JUP: variants seen among roughly 807,000 people sequenced by gnomAD.
JUP encodes junction plakoglobin, also known as catenin (cadherin-associated protein), gamma 80kDa.
A neutral mutation model predicts 71.1 loss-of-function variants in JUP; 28 were observed. That is an observed-to-expected ratio of 0.39 (90% CI 0.29 to 0.54). The LOEUF (loss-of-function observed/expected upper bound fraction) is 0.54. Ranked by LOEUF, JUP falls within the 20% of genes least tolerant of loss-of-function variation. JUP has a pLI of 0.62. For missense variants in JUP, 869 were observed against 1,030.1 expected (o/e 0.84, Z 2.14); for synonymous variants, 401 against 438.9 (o/e 0.91, Z 1.08).
intron 1 of JUP, among the ~76,000 whole-genome samples, chr17:41,778,334 G>A (rs1004349568): frequency 3.9e-5 from 6 of 152,194 alleles, no homozygotes; most frequent in Non-Finnish European, 8.8e-5. Flanking sequence ...GGAGGCCAAG[G>A]CAGGTGAATC....
chr17:41,776,941 G>A (rs1317069339), intron 1 of JUP, among the ~76,000 whole-genome samples: 1 of 152,164 alleles, frequency 6.6e-6, no homozygotes, highest in Non-Finnish European at 1.5e-5. Flanking sequence ...GGGAGGCGGA[G>A]GTTGCAGTGA....
rs1399061052 is a variant in JUP, at chr17:41,759,002, T to C, written c.1498-132A>G. ...GGCCAGACACAGACATACTGGAAAA[T>C]ATCCAGAGAAGGAGACCATCCCAGC... On this transcript the variant is annotated intron_variant, in intron 8 of 13. Transcript: ENST00000393931. 9 of 921,280 alleles carry C rather than the reference T, an allele frequency of 9.8e-6. No individual in the cohort carries two copies. In the African/African-American group the frequency reaches 1.3e-4, roughly 14 times the overall value. The allele number at this position is 921,280 out of a possible 1,614,324, so 57.1% of individuals were successfully genotyped here.
chr17:41,757,840 G>T (rs998719491), intron 10 of JUP, 56 bp from the exon 11 acceptor site: 3 of 1,475,794 alleles, frequency 2.0e-6, no homozygotes, highest in Non-Finnish European at 2.8e-6. Context: ...GAGGCAGGCC[G>T]GACAACACAC....
chr17:41,767,593 G>GGGGC lies in JUP; in HGVS notation c.708-14_708-13insGCCC. ...CTCCACAGGGGAGCTGGGGGGGTGG[G>GGGGC]CAGGGGTTAGTACGCTGAGGTCCCA... On this transcript the variant is annotated splice_polypyrimidine_tract_variant and intron_variant, in intron 4 of 13. Coordinates refer to ENST00000393931, the MANE Select transcript of JUP (RefSeq NM_002230.4). 3.2e-6 allele frequency: 4 copies of GGGGC among 1,267,508 alleles called. No homozygotes were observed. The highest frequency in any genetic ancestry group is 1.2e-5 in the South Asian group (1 of 84,224). 78.5% of individuals were successfully genotyped at this position (1,267,508 alleles called of 1,614,324 possible).
At chr17:41,762,170 A>AGTGT (rs1567808401) in intron 8 of JUP, among the ~76,000 whole-genome samples, 14 of 45,326 alleles carry the variant, frequency 3.1e-4, no homozygotes, top group African/African-American at 1.0e-3. Flanking sequence ...AGAGAGAGAG[A>AGTGT]GAGAGAGTGT....
intron 8 of JUP, among the ~76,000 whole-genome samples, chr17:41,762,170 A>AGTGTGT (rs1567808401): frequency 5.5e-4 from 25 of 45,316 alleles, no homozygotes; most frequent in African/African-American, 2.0e-3. Flanking sequence ...AGAGAGAGAG[A>AGTGTGT]GAGAGAGTGT....
At position 41,763,082 on chromosome 17, in the gene JUP, G is replaced by A. The variant is rs1555602097; in HGVS notation, c.1398C>T (p.His466=). 6.2e-7 allele frequency: 1 copy of A among 1,614,050 alleles called. No homozygotes were observed. ...AGTTCTGGGCCATCTCGGCCTCAGG[G>A]TGGCGGCTAGTGAGGTGGCGCAGAG... The part of the protein sequence containing the change: ...VCALRHLTSR[H]PEAEMAQNSV... Residue 466 remains histidine (H), a synonymous_variant, in exon 8 of 14, where the codon CAC becomes CAT. Transcript: ENST00000393931.
Position 41,771,709 on chromosome 17 carries a change from C to T in JUP, c.146G>A (p.Cys49Tyr), listed in dbSNP as rs782199757. Reference sequence around the variant, plus strand: ...TTTCTTGAGCGTGTACTGGCGCCCGCAGGCCTCATCCTCCTCCATGATGCC... The same window carrying T: ...TTTCTTGAGCGTGTACTGGCGCCCGTAGGCCTCATCCTCCTCCATGATGCC... ...SKGIMEEDEA[C>Y]GRQYTLKKTT... The change falls in exon 2 of 14, where the codon TGC becomes TAC. Residue 49 changes from cysteine (C) to tyrosine (Y), a missense_variant. Physicochemically the swap from Cys to Tyr is radical, Grantham distance 194 (BLOSUM62 -2). Coordinates refer to ENST00000393931, the MANE Select transcript of JUP (RefSeq NM_002230.4). The T allele has an allele frequency of 6.2e-7, 1 of 1,614,162 alleles. No homozygotes were observed. Among genetic ancestry groups the T allele is most frequent in the East Asian group, 2.2e-5 (1 of 44,878 alleles).
chr17:41,773,024 G>A, intron 1 of JUP: 1 of 982,670 alleles, frequency 1.0e-6, no homozygotes, highest in Non-Finnish European at 1.2e-6. Context: ...CAAAGCCCAT[G>A]CACTGGTCCC....
At chr17:41,761,706 T>C (rs1914835863) in intron 8 of JUP, among the ~76,000 whole-genome samples, 1 of 136,532 alleles carries the variant, frequency 7.3e-6, no homozygotes, top group Non-Finnish European at 1.6e-5. Flanking sequence ...TAAGCCGAGA[T>C]CGCACCATTG....
intron 1 of JUP, chr17:41,772,933 G>A: frequency 5.1e-6 from 5 of 985,502 alleles, no homozygotes; most frequent in Non-Finnish European, 6.0e-6. Context: ...GAGGCTGCGG[G>A]GAGAATGGAC....
chr17:41,758,627 G>T lies in JUP; in HGVS notation c.1653+88C>A, dbSNP rs1914274264. Reference sequence around the variant, plus strand: ...CAGGTTCTTGGAATTGGCATCAGTTGCAACTGACCTCCCCATTCACACACA... The same window carrying T: ...CAGGTTCTTGGAATTGGCATCAGTTTCAACTGACCTCCCCATTCACACACA... On this transcript the variant is annotated intron_variant, in intron 9 of 13. Coordinates refer to ENST00000393931, the MANE Select transcript of JUP (RefSeq NM_002230.4). The T allele has an allele frequency of 3.8e-6, 6 of 1,576,950 alleles. No individual in the cohort carries two copies. In the Admixed American group the frequency reaches 9.0e-5, roughly 24 times the overall value.
chr17:41,755,552 T>C lies in JUP; in HGVS notation c.*192A>G. The C allele has an allele frequency of 1.9e-6, 1 of 521,568 alleles. No homozygotes were observed. Among genetic ancestry groups the C allele is most frequent in the Non-Finnish European group, 3.2e-6 (1 of 310,656 alleles). 32.3% of individuals were successfully genotyped at this position (521,568 alleles called of 1,614,324 possible). ...CAGAAGGGGCCAGCAGGAATAGGCC[T>C]CCCCATCCCCACCAAAGACACAAGA... On this transcript the variant is annotated 3_prime_UTR_variant, in exon 14 of 14. Transcript: ENST00000393931.
Position 41,764,945 on chromosome 17 carries a change from A to C in JUP, c.1032T>G (p.Asn344Lys). Residue 344 changes from asparagine (N) to lysine (K), a missense_variant, in exon 6 of 14, where the codon AAT (asparagine) becomes AAG (lysine). Coordinates refer to ENST00000393931, the MANE Select transcript of JUP (RefSeq NM_002230.4). ...VLKVLSVCPS[N>K]KPAIVEAGGM... The stretch of plus-strand genomic sequence containing the variant: ...CACCAGCCTCCACAATGGCAGGCTT[A>C]TTGCTGGGACACACGGATAGCACCT... 6.2e-7 allele frequency: 1 copy of C among 1,614,142 alleles called. No individual in the cohort carries two copies. The highest frequency in any genetic ancestry group is 1.1e-5 in the South Asian group (1 of 91,086).
chr17:41,757,905 G>A (rs1272389692), intron 10 of JUP, 121 bp from the exon 11 acceptor site: 29 of 805,088 alleles, frequency 3.6e-5, no homozygotes, highest in South Asian at 2.9e-4. Context: ...AAAATGGGCC[G>A]TCACTGGGGA....
chr17:41,771,682 G>A lies in JUP; in HGVS notation c.173C>T (p.Thr58Ile). ...GGGCACCCCCTGGGTGTAAGTGGTG[G>A]TTTTCTTGAGCGTGTACTGGCGCCC... is the stretch of plus-strand genomic sequence containing the variant. ...ACGRQYTLKK[T>I]TTYTQGVPPS... Residue 58 changes from threonine (T) to isoleucine (I), a missense_variant, in exon 2 of 14, where the codon ACC becomes ATC. Thr to Ile is a moderately conservative substitution (Grantham distance 89). Coordinates refer to ENST00000393931, the MANE Select transcript of JUP (RefSeq NM_002230.4). The A allele has an allele frequency of 6.2e-7, 1 of 1,613,976 alleles. No individual in the cohort carries two copies. The highest frequency in any genetic ancestry group is 8.5e-7 in the Non-Finnish European group (1 of 1,180,032).
At position 41,769,210 on chromosome 17, in the gene JUP, G is replaced by A; in HGVS notation, c.469-3C>T. 6.3e-7 allele frequency: 1 copy of A among 1,599,728 alleles called. No individual in the cohort carries two copies. The highest frequency in any genetic ancestry group is 8.5e-7 in the Non-Finnish European group (1 of 1,179,606). On this transcript the variant is annotated splice_polypyrimidine_tract_variant and splice_region_variant and intron_variant, in intron 3 of 13. Transcript: ENST00000393931. ...ATGGCCGCCTTGGTCACCACCACCT[G>A]GAGGGCAAAGGCAGGGGCGGGGACG...
Position 41,757,644 on chromosome 17 carries a change from G to A in JUP, c.1914C>T (p.Asn638=), listed in dbSNP as rs368772249. The A allele has an allele frequency of 1.9e-5, 30 of 1,613,586 alleles. No homozygotes were observed. The highest frequency in any genetic ancestry group is 1.6e-4 in the Middle Eastern group (1 of 6,084). ...APLMELLHSR[N]EGTATYAAAV... ...CCTCCCCCAGCTCACCAGTGCCCTC[G>A]TTGCGGGAGTGCAGCAACTCCATGA... The change falls in exon 11 of 14, where the codon AAC becomes AAT. Residue 638 remains asparagine (N), a synonymous_variant. Coordinates refer to ENST00000393931, the MANE Select transcript of JUP (RefSeq NM_002230.4).
chr17:41,777,385 T>C (rs1162335449), intron 1 of JUP, among the ~76,000 whole-genome samples: 2 of 152,142 alleles, frequency 1.3e-5, no homozygotes, highest in Non-Finnish European at 2.9e-5. Flanking sequence ...TGCTGAGGTC[T>C]GGCCAGCAGT....
Sources: allele counts gnomAD v4.1 joint callset (sites outside exome capture counted in the v4.1 genomes callset), GRCh38; gene constraint gnomAD v4.1.1; transcripts MANE v1.5; gene names NCBI Gene and HGNC (gene_info 2026-07-23, HGNC 2026-07-21).